Variants in TNNI3K observed in about 807,000 individuals in gnomAD.
TNNI3K encodes TNNI3 interacting kinase, also known as serine/threonine-protein kinase TNNI3K.
In TNNI3K, 140 loss-of-function variants were observed where a neutral mutation model predicts 114.5. The observed-to-expected ratio is 1.22, with a 90% CI of 1.07 to 1.41. The LOEUF (loss-of-function observed/expected upper bound fraction) is 1.41, where lower values mean the gene tolerates loss of function less well. Ranked by LOEUF, TNNI3K falls within the 40% of genes most tolerant of loss-of-function variation. TNNI3K has a pLI of 0.00. For synonymous variants in TNNI3K, 347 were observed against 347.5 expected (o/e 1.00, Z 0.02); for missense variants, 1,125 against 1,007.6 (o/e 1.12, Z -1.58).
chr1:74,307,291 ACATAAAGG>A (rs535088713), intron 5 of TNNI3K, among the ~76,000 whole-genome samples: 67 of 152,266 alleles, frequency 4.4e-4, no homozygotes, highest in African/African-American at 1.6e-3. Context: ...TTAACTTTGA[ACATAAAGG>A]CCTAATTGCT....
rs1315069914 is a variant in TNNI3K, at chr1:74,342,781, A to G, written c.683-61A>G. On this transcript the variant is annotated intron_variant, in intron 7 of 24. Transcript: ENST00000326637. ...TAGAAATGTCCATGATACTATACATATGAAGGTTGAGAAACAAACAATTCT... is the reference window on the plus strand; with the variant it reads ...TAGAAATGTCCATGATACTATACATGTGAAGGTTGAGAAACAAACAATTCT... 3.8e-6 allele frequency: 6 copies of G among 1,592,018 alleles called. No homozygotes were observed. The East Asian group carries it at 8.9e-5, about 24-fold the overall frequency.
intron 21 of TNNI3K, among the ~76,000 whole-genome samples, chr1:74,478,306 T>C (rs1403233394): frequency 1.3e-5 from 2 of 152,186 alleles, no homozygotes; most frequent in Non-Finnish European, 2.9e-5. Flanking sequence ...ACTTAACATA[T>C]ATGTAATCAT....
intron 21 of TNNI3K, 76 bp from the exon 22 acceptor site, chr1:74,489,113 T>C: frequency 8.3e-7 from 1 of 1,210,972 alleles, no homozygotes; most frequent in Non-Finnish European, 1.2e-6. Context: ...CAAATGCTAA[T>C]ACCCAATTTT....
At chr1:74,487,474 G>T (rs1325612184) in intron 21 of TNNI3K, among the ~76,000 whole-genome samples, 1 of 152,154 alleles carries the variant, frequency 6.6e-6, no homozygotes, top group African/African-American at 2.4e-5. Context: ...AGATTAGAGG[G>T]TCAAGATTTT....
chr1:74,427,797 A>G (rs988759532), intron 17 of TNNI3K, among the ~76,000 whole-genome samples: 3 of 152,138 alleles, frequency 2.0e-5, no homozygotes, highest in Non-Finnish European at 4.4e-5. Flanking sequence ...AATGAAAATT[A>G]TACTTGCTTG....
chr1:74,350,174 T>G (rs1165453685), intron 9 of TNNI3K, among the ~76,000 whole-genome samples: 2 of 152,248 alleles, frequency 1.3e-5, no homozygotes, highest in Non-Finnish European at 2.9e-5. Context: ...ATGTTGTGTC[T>G]TTGTTCTCGT....
intron 10 of TNNI3K, 97 bp from the exon 11 acceptor site, chr1:74,353,883 G>T: frequency 1.4e-6 from 2 of 1,436,690 alleles, no homozygotes; most frequent in Non-Finnish European, 1.9e-6. Flanking sequence ...CATACCTTTG[G>T]AAATAATGCT....
chr1:74,475,503 C>G, intron 21 of TNNI3K: 3 of 716,836 alleles, frequency 4.2e-6, no homozygotes, highest in African/African-American at 1.7e-5. Context: ...CACGGTCTTT[C>G]TTTTTCAGGT....
intron 5 of TNNI3K, among the ~76,000 whole-genome samples, chr1:74,328,406 C>A (rs6424579): frequency 0.78 from 116,859 of 150,332 alleles, 47,940 homozygotes; most frequent in East Asian, 0.91. Flanking sequence ...TTGTCTTAGT[C>A]CACGTGACGG....
intron 17 of TNNI3K, among the ~76,000 whole-genome samples, chr1:74,397,264 G>T (rs947368074): frequency 3.9e-5 from 6 of 152,062 alleles, no homozygotes; most frequent in Non-Finnish European, 7.4e-5. Flanking sequence ...AAATTAAAGA[G>T]ATACACAGAA....
intron 5 of TNNI3K, among the ~76,000 whole-genome samples, chr1:74,277,575 C>A (rs1170763720): frequency 1.3e-5 from 2 of 152,160 alleles, no homozygotes; most frequent in East Asian, 3.8e-4. Context: ...TATGAGCACA[C>A]AACACACACA....
At chr1:74,389,866 G>C (rs1179231970) in intron 17 of TNNI3K, among the ~76,000 whole-genome samples, 1 of 152,028 alleles carries the variant, frequency 6.6e-6, no homozygotes, top group East Asian at 1.9e-4. Flanking sequence ...TAGCAGTGGG[G>C]GTAAAACATT....
intron 4 of TNNI3K, among the ~76,000 whole-genome samples, chr1:74,268,021 TAATA>T (rs1217875845): frequency 2.6e-5 from 4 of 151,964 alleles, no homozygotes; most frequent in South Asian, 4.1e-4. Context: ...AGACATTCAT[TAATA>T]AATATTTGTT....
chr1:74,428,381 C>G (rs1665733294), intron 17 of TNNI3K, among the ~76,000 whole-genome samples: 1 of 151,820 alleles, frequency 6.6e-6, no homozygotes, highest in Non-Finnish European at 1.5e-5. Context: ...TGAAGTCAAA[C>G]TAGGGTTGTT....
intron 20 of TNNI3K, among the ~76,000 whole-genome samples, chr1:74,451,727 C>CTT (rs1667027572): frequency 2.3e-5 from 1 of 44,428 alleles, no homozygotes; most frequent in African/African-American, 8.9e-5. Flanking sequence ...TTCTTTCTTT[C>CTT]TTTCTTTCTT....
intron 2 of TNNI3K, 134 bp downstream of exon 2, chr1:74,236,344 A>G: frequency 1.5e-6 from 1 of 647,214 alleles, no homozygotes; most frequent in Non-Finnish European, 2.5e-6. Context: ...TTAGGATGTC[A>G]GATTATCTCT....
intron 5 of TNNI3K, among the ~76,000 whole-genome samples, chr1:74,290,212 CT>C (rs11357912): frequency 0.98 from 141,995 of 144,860 alleles, 69,625 homozygotes; most frequent in Middle Eastern, 1. Context: ...TTCTATATTT[CT>C]TTTTTTTTTT....
At chr1:74,365,030 C>T (rs936780230) in intron 11 of TNNI3K, among the ~76,000 whole-genome samples, 3 of 151,992 alleles carry the variant, frequency 2.0e-5, no homozygotes, top group Admixed American at 1.3e-4. Context: ...TTAGAAGATT[C>T]GTCTGAAATT....
At chr1:74,368,954 G>A (rs1226035710) in intron 13 of TNNI3K, 68 bp from the exon 14 acceptor site, 9 of 1,171,180 alleles carry the variant, frequency 7.7e-6, no homozygotes, top group Admixed American at 2.5e-5. Flanking sequence ...ATATATATAT[G>A]CACATGTATA....
Sources: allele counts gnomAD v4.1 joint callset (sites outside exome capture counted in the v4.1 genomes callset), GRCh38; gene constraint gnomAD v4.1.1; transcripts MANE v1.5; gene names NCBI Gene and HGNC (gene_info 2026-07-23, HGNC 2026-07-21).